Variants in EFHC2 observed in about 807,000 individuals in gnomAD.
EFHC2 encodes EF-hand domain-containing family member C2.
A neutral mutation model predicts 52.7 loss-of-function variants in EFHC2; 18 were observed. The observed-to-expected ratio is 0.34, with a 90% CI of 0.24 to 0.51. The LOEUF is 0.51. Ranked by LOEUF, EFHC2 falls within the 20% of genes least tolerant of loss-of-function variation. EFHC2 has a pLI of 0.97. For synonymous variants in EFHC2, 203 were observed against 204.1 expected (o/e 0.99, Z 0.04); for missense variants, 513 against 562.5 (o/e 0.91, Z 0.89).
chrX:44,174,111 C>T (rs1236311719), intron 13 of EFHC2, among the ~76,000 whole-genome samples: 2 of 112,220 alleles, frequency 1.8e-5, no homozygotes, highest in African/African-American at 6.5e-5. Context: ...ACTTAAATTT[C>T]TCTCCTAGTC....
chrX:44,321,170 AAG>A (rs769381885), intron 1 of EFHC2, among the ~76,000 whole-genome samples: 13 of 111,745 alleles, frequency 1.2e-4, no homozygotes, highest in Non-Finnish European at 1.5e-4. Flanking sequence ...GGTGTGGAAA[AAG>A]AGATGAGTTA....
intron 4 of EFHC2, among the ~76,000 whole-genome samples, chrX:44,255,288 G>A (rs1354806440): frequency 8.9e-6 from 1 of 111,829 alleles, no homozygotes; most frequent in Non-Finnish European, 1.9e-5. Context: ...AACCTTAAAT[G>A]TAAACAGGCT....
Position 44,272,755 on chromosome X carries a change from A to T in EFHC2, c.313T>A (p.Tyr105Asn). 2.6e-6 allele frequency: 3 copies of T among 1,168,008 alleles called. No homozygotes were observed. The South Asian group carries it at 5.7e-5, about 22-fold the overall frequency. Residue 105 changes from tyrosine to asparagine, a missense_variant, in exon 3 of 15, where the codon TAC (tyrosine) becomes AAC (asparagine). By Grantham distance (143) the Tyr-to-Asn change is moderately radical (BLOSUM62 -2). Coordinates refer to ENST00000420999, the MANE Select transcript of EFHC2 (RefSeq NM_025184.4). ...ATTGTGTCATCTTCAGGGTAGAAGT[A>T]GATTTTATAGTATCTTATTCTGTAG... ...TNYRIRYYKI[Y>N]FYPEDDTIQV...
intron 1 of EFHC2, among the ~76,000 whole-genome samples, chrX:44,331,055 G>A (rs1347914033): frequency 8.9e-6 from 1 of 112,150 alleles, no homozygotes; most frequent in Non-Finnish European, 1.9e-5. Context: ...AAATGAAAAT[G>A]TATGCTCACA....
chrX:44,271,415 A>G (rs1357019564), intron 3 of EFHC2, among the ~76,000 whole-genome samples: 13 of 111,695 alleles, frequency 1.2e-4, no homozygotes, highest in Non-Finnish European at 1.9e-4. Context: ...ATGAGCAAGT[A>G]GGGAAAGTAA....
At chrX:44,172,022 C>T (rs2036749711) in intron 13 of EFHC2, among the ~76,000 whole-genome samples, 1 of 111,875 alleles carries the variant, frequency 8.9e-6, no homozygotes, top group Non-Finnish European at 1.9e-5. Flanking sequence ...GAGCACTAAC[C>T]GTGCCTCTGG....
intron 14 of EFHC2, among the ~76,000 whole-genome samples, chrX:44,151,229 T>C (rs1379003375): frequency 8.9e-6 from 1 of 111,788 alleles, no homozygotes; most frequent in Non-Finnish European, 1.9e-5. Context: ...TCTGTGGTAC[T>C]TTGTGAGGGC....
At chrX:44,279,476 TAAATA>T (rs1481801108) in intron 2 of EFHC2, among the ~76,000 whole-genome samples, 1 of 111,572 alleles carries the variant, frequency 9.0e-6, no homozygotes, top group Non-Finnish European at 1.9e-5. Context: ...ACTTTTTAAA[TAAATA>T]AAATAGATAA....
chrX:44,245,700 G>A (rs1219273938), intron 7 of EFHC2, among the ~76,000 whole-genome samples: 1 of 112,104 alleles, frequency 8.9e-6, no homozygotes, highest in African/African-American at 3.2e-5. Flanking sequence ...AAGAGATTGA[G>A]TTTTACACAG....
At chrX:44,270,943 T>A (rs972198184) in intron 3 of EFHC2, among the ~76,000 whole-genome samples, 1 of 111,296 alleles carries the variant, frequency 9.0e-6, no homozygotes, top group Admixed American at 9.5e-5. Flanking sequence ...GCAGGGAAGG[T>A]TAGTGAAACA....
chrX:44,317,380 G>C (rs951482160), intron 1 of EFHC2, among the ~76,000 whole-genome samples: 3 of 112,518 alleles, frequency 2.7e-5, no homozygotes, highest in Non-Finnish European at 5.6e-5. Context: ...ATAGCCTCCA[G>C]TGGTATACTG....
At chrX:44,232,305 T>TAA (rs985628040) in intron 10 of EFHC2, among the ~76,000 whole-genome samples, 176 bp downstream of exon 10, 6 of 112,283 alleles carry the variant, frequency 5.3e-5, no homozygotes, top group African/African-American at 1.9e-4. Flanking sequence ...GACAAGAACC[T>TAA]GGCCTCTGTG....
At chrX:44,335,402 C>A (rs1001985136) in intron 1 of EFHC2, among the ~76,000 whole-genome samples, 41 of 110,236 alleles carry the variant, frequency 3.7e-4, no homozygotes, top group African/African-American at 1.2e-3. Context: ...AGTTCAGAAA[C>A]AAAAGCACAA....
At chrX:44,191,537 T>C (rs2036920430) in intron 11 of EFHC2, among the ~76,000 whole-genome samples, 1 of 112,252 alleles carries the variant, frequency 8.9e-6, no homozygotes, top group Non-Finnish European at 1.9e-5. Context: ...GCACCCAGTC[T>C]GTTCATCTTT....
chrX:44,227,253 G>T (rs768347543), intron 11 of EFHC2, among the ~76,000 whole-genome samples: 1 of 111,412 alleles, frequency 9.0e-6, no homozygotes, highest in South Asian at 3.8e-4. Context: ...TAAAAGCACT[G>T]AGCAAAGAAT....
chrX:44,226,650 C>T (rs957401158), intron 11 of EFHC2, among the ~76,000 whole-genome samples: 2 of 110,480 alleles, frequency 1.8e-5, no homozygotes, highest in African/African-American at 6.6e-5. Flanking sequence ...AATCAGCCTA[C>T]AGGTCAAAGC....
At chrX:44,237,483 T>G (rs1041385053) in intron 8 of EFHC2, among the ~76,000 whole-genome samples, 2 of 111,505 alleles carry the variant, frequency 1.8e-5, no homozygotes, top group African/African-American at 3.3e-5. Flanking sequence ...CCAAACAAAT[T>G]ATAAGTTCCT....
intron 14 of EFHC2, among the ~76,000 whole-genome samples, chrX:44,161,271 C>T (rs975737902): frequency 9.0e-6 from 1 of 111,518 alleles, no homozygotes; most frequent in African/African-American, 3.3e-5. Flanking sequence ...CTGTGGAAAT[C>T]GAGAAGAGTT....
At position 44,330,085 on chromosome X, in the gene EFHC2, CAAAA is replaced by C. The variant is rs34888507; in HGVS notation, c.42+13458_42+13461del. Among the ~76,000 whole-genome samples, 310 of 46,374 alleles carry C rather than the reference CAAAA, an allele frequency of 6.7e-3. 2 individuals are homozygous for C. Among genetic ancestry groups the C allele is most frequent in the African/African-American group, 0.028 (294 of 10,554 alleles). 40.3% of individuals were successfully genotyped at this position (46,374 alleles called of 115,157 possible). A position where few individuals can be genotyped will look rare whatever the true frequency, so the allele number is the denominator to read the frequency against. The stretch of plus-strand genomic sequence containing the variant: ...GCAACATGGTAAAACCCTGTCTCTA[CAAAA>C]AAAAAAAAAAAAAAAAAATGAGCCT... On this transcript the variant is annotated intron_variant, in intron 1 of 14. Coordinates refer to ENST00000420999, the MANE Select transcript of EFHC2 (RefSeq NM_025184.4).
Sources: gnomAD v4.1 joint callset for allele counts (sites outside exome capture counted in the v4.1 genomes callset) on GRCh38, gnomAD v4.1.1 for gene constraint, MANE v1.5 for transcripts, NCBI Gene and HGNC (gene_info 2026-07-23, HGNC 2026-07-21) for gene names.